The following RELN variants were observed in gnomAD, a reference collection of about 807,000 sequenced individuals.
The protein encoded by RELN is reelin.
A neutral mutation model predicts 427.6 loss-of-function variants in RELN; 108 were observed. The ratio of observed to expected loss-of-function variants is 0.25; its 90% confidence interval spans 0.22 to 0.30. The LOEUF (loss-of-function observed/expected upper bound fraction) is 0.30, where lower values mean the gene tolerates loss of function less well. Ranked by LOEUF, RELN falls within the 10% of genes least tolerant of loss-of-function variation. The pLI, the probability that RELN is intolerant of heterozygous loss-of-function variation, is 1.00. For missense variants in RELN, 3,715 were observed against 4,302.8 expected (o/e 0.86, Z 3.82); for synonymous variants, 1,524 against 1,513.4 (o/e 1.01, Z -0.16).
At chr7:103,539,564 A>G in intron 44 of RELN, 1 of 531,352 alleles carries the variant, frequency 1.9e-6, no homozygotes, top group South Asian at 2.1e-5. Flanking sequence ...TTCACAGCCT[A>G]CATTGGCCAA....
chr7:103,935,416 G>A lies in RELN; in HGVS notation c.227-18231C>T, dbSNP rs914736676. 3.9e-5 allele frequency among the ~76,000 whole-genome samples: 6 copies of A among 151,934 alleles called. No homozygotes were observed. In the South Asian group the frequency reaches 1.0e-3, roughly 26 times the overall value. Reference sequence around the variant, plus strand: ...TACTCTCTTCCCTTAGCTTTTATGAGCCTCATCCTCATTTTTTTTTTCCTG... The same window carrying A: ...TACTCTCTTCCCTTAGCTTTTATGAACCTCATCCTCATTTTTTTTTTCCTG... On this transcript the variant is annotated intron_variant, in intron 1 of 64. Transcript: ENST00000428762.
intron 20 of RELN, among the ~76,000 whole-genome samples, chr7:103,612,153 A>G (rs1021460161): frequency 9.2e-5 from 14 of 152,190 alleles, no homozygotes; most frequent in African/African-American, 3.4e-4. Context: ...TAAAATATGA[A>G]AAGTATTACA....
At chr7:103,729,584 C>T (rs1397313465) in intron 6 of RELN, among the ~76,000 whole-genome samples, 1 of 152,104 alleles carries the variant, frequency 6.6e-6, no homozygotes, top group African/African-American at 2.4e-5. Flanking sequence ...CATCACAATT[C>T]TTAGGAGATT....
chr7:103,629,058 T>C (rs1832394030), intron 20 of RELN, among the ~76,000 whole-genome samples: 1 of 152,238 alleles, frequency 6.6e-6, no homozygotes, highest in Non-Finnish European at 1.5e-5. Context: ...TTCCTGTAGT[T>C]GCATTTCTCT....
intron 2 of RELN, among the ~76,000 whole-genome samples, chr7:103,881,074 A>G (rs1281293347): frequency 6.6e-6 from 1 of 151,474 alleles, no homozygotes; most frequent in Non-Finnish European, 1.5e-5. Context: ...AAACAAACCA[A>G]CTCTCTCCAC....
chr7:103,718,973 TACCCAAACAA>T (rs1790008127), intron 8 of RELN, among the ~76,000 whole-genome samples: 1 of 152,164 alleles, frequency 6.6e-6, no homozygotes, highest in Non-Finnish European at 1.5e-5. Flanking sequence ...CTAACACAAC[TACCCAAACAA>T]TTTTTCTGAA....
chr7:103,609,948 G>A (rs1831911279), intron 22 of RELN, among the ~76,000 whole-genome samples: 1 of 152,126 alleles, frequency 6.6e-6, no homozygotes, highest in Non-Finnish European at 1.5e-5. Flanking sequence ...CAAGGACCTG[G>A]CCTTGAAGAG....
At chr7:103,973,620 A>C (rs1260719391) in intron 1 of RELN, among the ~76,000 whole-genome samples, 1 of 152,114 alleles carries the variant, frequency 6.6e-6, no homozygotes, top group African/African-American at 2.4e-5. Flanking sequence ...TAACACTGAA[A>C]ACAAAAGAAA....
chr7:103,490,147 TAATA>T (rs961399149), intron 59 of RELN, among the ~76,000 whole-genome samples: 2 of 152,226 alleles, frequency 1.3e-5, no homozygotes, highest in African/African-American at 2.4e-5. Flanking sequence ...TTCTAGTCCA[TAATA>T]AATCTGTGTA....
At chr7:103,810,472 T>C (rs1382089282) in intron 3 of RELN, among the ~76,000 whole-genome samples, 2 of 152,166 alleles carry the variant, frequency 1.3e-5, no homozygotes, top group Non-Finnish European at 2.9e-5. Context: ...TTTGTGTCAG[T>C]TTCTTGCATA....
chr7:103,647,858 T>C (rs75340417), intron 16 of RELN, among the ~76,000 whole-genome samples: 1 of 151,936 alleles, frequency 6.6e-6, no homozygotes, highest in Non-Finnish European at 1.5e-5. Flanking sequence ...AATAGACATA[T>C]ACATCAATGG....
intron 45 of RELN, among the ~76,000 whole-genome samples, chr7:103,538,205 A>C (rs991954612): frequency 3.3e-5 from 5 of 152,224 alleles, no homozygotes; most frequent in African/African-American, 1.2e-4. Flanking sequence ...AATATTAAAA[A>C]TTGTGAATTC....
chr7:103,759,176 T>A (rs368372674), intron 4 of RELN, among the ~76,000 whole-genome samples: 11 of 152,210 alleles, frequency 7.2e-5, no homozygotes, highest in African/African-American at 2.2e-4. Context: ...GATTTACTAA[T>A]CACCATAAGC....
At chr7:103,808,112 G>A (rs1055432980) in intron 3 of RELN, among the ~76,000 whole-genome samples, 3 of 152,020 alleles carry the variant, frequency 2.0e-5, no homozygotes, top group Admixed American at 6.6e-5. Context: ...AAAGATTCTG[G>A]CCTAAGAGAA....
intron 2 of RELN, among the ~76,000 whole-genome samples, chr7:103,838,343 T>C (rs1053914038): frequency 7.4e-5 from 11 of 149,042 alleles, no homozygotes; most frequent in African/African-American, 2.5e-4. Context: ...CTAAATACAA[T>C]AGAATATTCC....
At chr7:103,641,708 A>G (rs932437101) in intron 16 of RELN, among the ~76,000 whole-genome samples, 6 of 152,302 alleles carry the variant, frequency 3.9e-5, no homozygotes, top group African/African-American at 1.4e-4. Context: ...CCAGCACTAC[A>G]TGGTTATAAT....
At chr7:103,975,515 G>GTTTTTATTCATT (rs35356053) in intron 1 of RELN, among the ~76,000 whole-genome samples, 4 of 141,826 alleles carry the variant, frequency 2.8e-5, no homozygotes, top group African/African-American at 1.1e-4. Flanking sequence ...GAATGGAGCA[G>GTTTTTATTCATT]TATTTATTTA....
At chr7:103,836,377 T>C (rs1793408410) in intron 2 of RELN, among the ~76,000 whole-genome samples, 1 of 152,254 alleles carries the variant, frequency 6.6e-6, no homozygotes, top group Admixed American at 6.5e-5. Context: ...TCAATTGCAC[T>C]AGCCACATTC....
intron 11 of RELN, among the ~76,000 whole-genome samples, chr7:103,662,256 G>A (rs765032595): frequency 1.1e-4 from 16 of 152,188 alleles, no homozygotes; most frequent in African/African-American, 1.7e-4. Flanking sequence ...GCCATGCAGT[G>A]TGACTCCAGA....
Sources: allele counts gnomAD v4.1 joint callset (sites outside exome capture counted in the v4.1 genomes callset), GRCh38; gene constraint gnomAD v4.1.1; transcripts MANE v1.5; gene names NCBI Gene and HGNC (gene_info 2026-07-23, HGNC 2026-07-21).